PAK5: variants seen among roughly 807,000 people sequenced by gnomAD.
The protein encoded by PAK5 is serine/threonine-protein kinase PAK 5.
PAK5 carries 16 observed loss-of-function variants against 65.9 expected under a neutral mutation model. The ratio of observed to expected loss-of-function variants is 0.24; its 90% CI spans 0.16 to 0.37. The LOEUF (loss-of-function observed/expected upper bound fraction) is 0.37. Ranked by LOEUF, PAK5 falls within the 10% of genes least tolerant of loss-of-function variation. The probability of loss-of-function intolerance (pLI) is 1.00; values close to 1 mark genes in which losing one functional copy is unlikely to be tolerated. For synonymous variants in PAK5, 371 were observed against 354.9 expected (o/e 1.05, Z -0.51); for missense variants, 785 against 903.9 (o/e 0.87, Z 1.69).
At chr20:9,836,151 T>C (rs1979130726) in intron 1 of PAK5, among the ~76,000 whole-genome samples, 1 of 145,586 alleles carries the variant, frequency 6.9e-6, no homozygotes, top group Non-Finnish European at 1.5e-5. Flanking sequence ...TTAAAGTATT[T>C]TCTGAATCCA....
At chr20:9,562,840 T>C (rs746508839) in intron 6 of PAK5, 51 bp downstream of exon 6, 20 of 1,560,842 alleles carry the variant, frequency 1.3e-5, no homozygotes, top group Non-Finnish European at 1.8e-5. Flanking sequence ...GGCTTTATCC[T>C]GGAGAAGAAT....
chr20:9,733,025 T>C (rs191505561), intron 1 of PAK5, among the ~76,000 whole-genome samples: 42 of 152,332 alleles, frequency 2.8e-4, no homozygotes, highest in South Asian at 1.2e-3. Flanking sequence ...TGGACACTAA[T>C]TTGTGTCTGG....
intron 1 of PAK5, among the ~76,000 whole-genome samples, chr20:9,772,475 T>A (rs984720924): frequency 6.8e-6 from 1 of 146,168 alleles, no homozygotes; most frequent in South Asian, 2.2e-4. Flanking sequence ...TGGTCAGAGG[T>A]CAATGACACC....
chr20:9,718,524 C>G (rs2048176873), intron 1 of PAK5, among the ~76,000 whole-genome samples: 1 of 152,086 alleles, frequency 6.6e-6, no homozygotes, highest in Non-Finnish European at 1.5e-5. Context: ...GGGCTCAAGA[C>G]CTTGTCCTCA....
chr20:9,645,184 A>G (rs1296022596), intron 2 of PAK5, among the ~76,000 whole-genome samples: 2 of 152,158 alleles, frequency 1.3e-5, no homozygotes, highest in African/African-American at 4.8e-5. Flanking sequence ...GGAAGAAGGC[A>G]GGGAGGAAGA....
chr20:9,821,682 A>G (rs1188181114), intron 1 of PAK5, among the ~76,000 whole-genome samples: 1 of 152,148 alleles, frequency 6.6e-6, no homozygotes, highest in Non-Finnish European at 1.5e-5. Flanking sequence ...TTCCTGATCA[A>G]ATACACTTTA....
chr20:9,539,869 T>C (rs1304674978), intron 9 of PAK5, among the ~76,000 whole-genome samples: 1 of 152,184 alleles, frequency 6.6e-6, no homozygotes, highest in Non-Finnish European at 1.5e-5. Context: ...CTACATAAAA[T>C]AACAGTGGCA....
At chr20:9,716,726 G>A (rs1387315810) in intron 1 of PAK5, among the ~76,000 whole-genome samples, 1 of 151,990 alleles carries the variant, frequency 6.6e-6, no homozygotes, top group South Asian at 2.1e-4. Context: ...CTTAAAATAT[G>A]CCATTAAGAA....
intron 1 of PAK5, among the ~76,000 whole-genome samples, chr20:9,728,617 GACA>G (rs1330117702): frequency 2.6e-5 from 4 of 152,112 alleles, no homozygotes; most frequent in African/African-American, 4.8e-5. Context: ...ACACTAAGGA[GACA>G]ACAACTAAAT....
intron 2 of PAK5, among the ~76,000 whole-genome samples, chr20:9,667,275 G>A (rs1226887870): frequency 6.6e-6 from 1 of 152,008 alleles, no homozygotes; most frequent in South Asian, 2.1e-4. Context: ...AGAACTCCAT[G>A]TCAAAAAAAA....
chr20:9,679,423 T>TCTTG (rs2047619951), intron 2 of PAK5, among the ~76,000 whole-genome samples: 1 of 152,184 alleles, frequency 6.6e-6, no homozygotes, highest in Non-Finnish European at 1.5e-5. Flanking sequence ...CTTTTAAGAT[T>TCTTG]CTTGGTACAT....
chr20:9,636,917 C>T (rs921788624), intron 3 of PAK5, among the ~76,000 whole-genome samples: 12 of 152,086 alleles, frequency 7.9e-5, no homozygotes, highest in South Asian at 4.1e-4. Context: ...TCTCAGGAAC[C>T]TCTTAAAATT....
At chr20:9,567,083 G>A (rs16996067) in intron 4 of PAK5, among the ~76,000 whole-genome samples, 16,430 of 152,066 alleles carry the variant, frequency 0.11, 2,018 homozygotes, top group African/African-American at 0.3. Context: ...GTCACTTCCT[G>A]GAAAGAATCA....
At position 9,754,542 on chromosome 20, in the gene PAK5, A is replaced by G. The variant is rs551819235; in HGVS notation, c.-161-43107T>C. On this transcript the variant is annotated intron_variant, in intron 1 of 9. Transcript: ENST00000353224. ...CTTGAGCACCAGTCTTAGGTTTGACAATAGAGATGTTTTATCCCTAGGAGC... is the reference window on the plus strand; with the variant it reads ...CTTGAGCACCAGTCTTAGGTTTGACGATAGAGATGTTTTATCCCTAGGAGC... Among the ~76,000 whole-genome samples the G allele has an allele frequency of 3.3e-4, 50 of 152,282 alleles. 1 individual carries two copies. The highest frequency in any genetic ancestry group is 1.0e-3 in the African/African-American group (43 of 41,548).
intron 8 of PAK5, 104 bp downstream of exon 8, chr20:9,544,264 TA>T: frequency 8.0e-7 from 1 of 1,248,720 alleles, no homozygotes. Context: ...AATGTGGAGC[TA>T]AAAGTCATTG....
At chr20:9,827,154 G>GTGT (rs1478549218) in intron 1 of PAK5, among the ~76,000 whole-genome samples, 2 of 152,182 alleles carry the variant, frequency 1.3e-5, no homozygotes, top group Admixed American at 1.3e-4. Flanking sequence ...ACTAGTTTGT[G>GTGT]TGTTTTTAAA....
intron 7 of PAK5, among the ~76,000 whole-genome samples, chr20:9,547,057 G>A (rs2045356415): frequency 6.6e-6 from 1 of 152,132 alleles, no homozygotes; most frequent in Admixed American, 6.5e-5. Context: ...ATTGGGGACA[G>A]GCCCTAAATT....
Position 9,539,477 on chromosome 20 carries a change from T to G in PAK5, c.2145A>C (p.Gln715His), listed in dbSNP as rs968854029. The change falls in exon 10 of 10, where the codon CAA (glutamine) becomes CAC (histidine). Residue 715 changes from glutamine to histidine, a missense_variant. By Grantham distance (24) the Gln-to-His change is conservative. This residue lies in a region of PAK5 where 110 missense variants were observed against 107.4 expected (regional missense o/e 1.02). Coordinates refer to ENST00000353224, the MANE Select transcript of PAK5 (RefSeq NM_177990.4). ...PPSCIVPLMRQYRHH is the reference protein window; with the variant it reads ...PPSCIVPLMRHYRHH The stretch of plus-strand genomic sequence containing the variant: ...AATCCTCTGCTCAGTGATGCCTGTA[T>G]TGTCTCATGAGGGGGACGATGCAAG... 1.3e-5 allele frequency: 21 copies of G among 1,614,048 alleles called. No homozygotes were observed. The African/African-American group carries it at 2.4e-4, about 18-fold the overall frequency.
intron 2 of PAK5, among the ~76,000 whole-genome samples, chr20:9,705,328 A>G (rs6086988): frequency 0.68 from 102,581 of 151,868 alleles, 34,882 homozygotes; most frequent in East Asian, 0.84. Context: ...AAAAGATGCC[A>G]AACCTCATTA....
Sources: gnomAD v4.1 joint callset for allele counts (sites outside exome capture counted in the v4.1 genomes callset) on GRCh38, gnomAD v4.1.1 for gene constraint, gnomAD v4.1.1 regional missense constraint, MANE v1.5 for transcripts, NCBI Gene and HGNC (gene_info 2026-07-23, HGNC 2026-07-21) for gene names.